The following NUDCD1 variants were observed in gnomAD, a reference collection of about 807,000 sequenced individuals.
NUDCD1 encodes the protein nudC domain-containing protein 1.
In NUDCD1, 60 loss-of-function variants were observed where a neutral mutation model predicts 67.8. The ratio of observed to expected loss-of-function variants is 0.88; its 90% CI spans 0.72 to 1.10. The LOEUF (loss-of-function observed/expected upper bound fraction) is 1.10. Ranked by LOEUF, NUDCD1 falls within the 50% of genes least tolerant of loss-of-function variation. The pLI, the probability that NUDCD1 is intolerant of heterozygous loss-of-function variation, is 0.00. For missense variants in NUDCD1, 643 were observed against 695.0 expected (o/e 0.93, Z 0.84); for synonymous variants, 244 against 230.8 (o/e 1.06, Z -0.52).
chr8:109,275,658 G>GA (rs1814269027), intron 6 of NUDCD1, among the ~76,000 whole-genome samples, 162 bp from the exon 7 acceptor site: 1 of 152,138 alleles, frequency 6.6e-6, no homozygotes, highest in Non-Finnish European at 1.5e-5. Context: ...GCATGTGATG[G>GA]AAAACCTATA....
intron 2 of NUDCD1, among the ~76,000 whole-genome samples, chr8:109,321,894 G>A (rs1815549296): frequency 6.6e-6 from 1 of 152,076 alleles, no homozygotes; most frequent in Non-Finnish European, 1.5e-5. Context: ...ATTTTAAAAT[G>A]CTAAAAGAAT....
chr8:109,307,830 A>G (rs1815148236), intron 2 of NUDCD1, among the ~76,000 whole-genome samples: 1 of 152,216 alleles, frequency 6.6e-6, no homozygotes, highest in Admixed American at 6.5e-5. Flanking sequence ...CTATTCTTAT[A>G]TCAGATAAAA....
chr8:109,306,273 T>C (rs1454988997), intron 2 of NUDCD1, among the ~76,000 whole-genome samples: 1 of 152,160 alleles, frequency 6.6e-6, no homozygotes, highest in African/African-American at 2.4e-5. Context: ...CTCCAATACT[T>C]TCACCCTGAT....
intron 8 of NUDCD1, among the ~76,000 whole-genome samples, chr8:109,258,355 A>G (rs1813785939): frequency 6.6e-6 from 1 of 152,066 alleles, no homozygotes; most frequent in Non-Finnish European, 1.5e-5. Flanking sequence ...TTTATTATTT[A>G]TATTACTGTC....
intron 2 of NUDCD1, among the ~76,000 whole-genome samples, chr8:109,321,263 T>C (rs559473215): frequency 9.8e-4 from 149 of 152,306 alleles, no homozygotes; most frequent in Non-Finnish European, 1.8e-3. Context: ...CAATGTATTG[T>C]GGAGTTTCCA....
chr8:109,304,031 T>C (rs910038958), intron 2 of NUDCD1, among the ~76,000 whole-genome samples: 1 of 152,124 alleles, frequency 6.6e-6, no homozygotes, highest in East Asian at 1.9e-4. Flanking sequence ...TATTCTGTTC[T>C]AGATAAACCT....
rs1253170811 is a variant in NUDCD1 at position 109,293,358 on chromosome 8, C to T, written c.626G>A (p.Ser209Asn). The change falls in exon 4 of 10, where the codon AGT becomes AAT. Residue 209 changes from serine to asparagine, a missense_variant. Ser to Asn is a conservative substitution (Grantham distance 46). Coordinates refer to ENST00000239690, the MANE Select transcript of NUDCD1 (RefSeq NM_032869.4). ...FYVSLEWVTI[S>N]KKNQDNKKYE... ...TTTTGTTTTACCTTGATTTTTCTTA[C>T]TGATAGTGACCCACTCCAGAGAAAC... is the stretch of plus-strand genomic sequence containing the variant. The T allele has an allele frequency of 1.3e-6, 2 of 1,549,708 alleles. No homozygotes were observed. The highest frequency in any genetic ancestry group is 1.7e-6 in the Non-Finnish European group (2 of 1,151,020).
At chr8:109,320,791 A>G (rs1217472846) in intron 2 of NUDCD1, among the ~76,000 whole-genome samples, 1 of 152,218 alleles carries the variant, frequency 6.6e-6, no homozygotes, top group African/African-American at 2.4e-5. Context: ...TGTCCATGAA[A>G]TCTTCACAAT....
At chr8:109,250,700 T>G (rs370122873) in intron 8 of NUDCD1, among the ~76,000 whole-genome samples, 1 of 152,214 alleles carries the variant, frequency 6.6e-6, no homozygotes. Context: ...TTTTTCATAT[T>G]CTTTTTCTGC....
intron 2 of NUDCD1, among the ~76,000 whole-genome samples, chr8:109,308,669 TAAAA>T (rs1046037441): frequency 6.7e-5 from 10 of 150,228 alleles, no homozygotes; most frequent in African/African-American, 2.4e-4. Flanking sequence ...AAATTACCAA[TAAAA>T]AAAAAGTCCA....
chr8:109,307,718 C>T (rs1815143380), intron 2 of NUDCD1, among the ~76,000 whole-genome samples: 1 of 152,114 alleles, frequency 6.6e-6, no homozygotes, highest in African/African-American at 2.4e-5. Flanking sequence ...AATTCATCAA[C>T]CCATTTGCTG....
At chr8:109,329,981 A>C (rs2130157248) in intron 1 of NUDCD1, 1 of 1,238,514 alleles carries the variant, frequency 8.1e-7, no homozygotes, top group South Asian at 2.7e-5. Flanking sequence ...GTAGATTCTG[A>C]CTAGTCAAGA....
At chr8:109,293,268 T>C in intron 4 of NUDCD1, 76 bp downstream of exon 4, 12 of 761,970 alleles carry the variant, frequency 1.6e-5, no homozygotes, top group Non-Finnish European at 2.5e-5. Context: ...AAACAGTATT[T>C]ACAGGGACAG....
chr8:109,273,674 G>A (rs1814211945), intron 7 of NUDCD1, among the ~76,000 whole-genome samples: 1 of 152,022 alleles, frequency 6.6e-6, no homozygotes, highest in Non-Finnish European at 1.5e-5. Context: ...AGGCACCATA[G>A]TTAAGTGCCT....
At chr8:109,296,659 CT>C in intron 2 of NUDCD1, 90 bp from the exon 3 acceptor site, 1 of 908,550 alleles carries the variant, frequency 1.1e-6, no homozygotes, top group Non-Finnish European at 1.7e-6. Context: ...GGTTTCTCTC[CT>C]TTTTAAGAGT....
chr8:109,241,600 AC>A lies in NUDCD1; in HGVS notation c.*1408del, dbSNP rs1410343246. ...CCAATTGTCAATACCAGTCCTCAGG[AC>A]CTTTCCTAACTTTCTACCTAGCACC... is the stretch of plus-strand genomic sequence containing the variant. On this transcript the variant is annotated 3_prime_UTR_variant, in exon 10 of 10. Coordinates refer to ENST00000239690, the MANE Select transcript of NUDCD1 (RefSeq NM_032869.4). 1 of 152,240 alleles carries A rather than the reference AC, an allele frequency of 6.6e-6. No homozygotes were observed. Among genetic ancestry groups the A allele is most frequent in the Non-Finnish European group, 1.5e-5 (1 of 68,142 alleles). The allele number at this position is 152,240 out of a possible 1,614,324, so 9.4% of individuals were successfully genotyped here.
intron 8 of NUDCD1, among the ~76,000 whole-genome samples, chr8:109,252,356 C>A (rs1813640777): frequency 6.6e-6 from 1 of 152,092 alleles, no homozygotes; most frequent in Admixed American, 6.6e-5. Context: ...TGAGGTTTTT[C>A]TTTATCTTTT....
rs879074007 is a variant in NUDCD1, at chr8:109,242,685, ATATTTT to A, written c.*318_*323del. 4.2e-4 allele frequency: 78 copies of A among 185,620 alleles called. No homozygotes were observed. In the East Asian group the frequency reaches 9.7e-3, roughly 23 times the overall value. 11.5% of individuals were successfully genotyped at this position (185,620 alleles called of 1,614,324 possible). A position where few individuals can be genotyped will look rare whatever the true frequency, so the allele number is the denominator to read the frequency against. On this transcript the variant is annotated 3_prime_UTR_variant, in exon 10 of 10. Transcript: ENST00000239690. ...AATCAACGAACAGAGTACACAATAA[ATATTTT>A]TATTTTTAAACACTGAATTGTACAT...
intron 8 of NUDCD1, among the ~76,000 whole-genome samples, chr8:109,260,242 G>GC (rs1191683263): frequency 1.3e-5 from 2 of 152,210 alleles, no homozygotes; most frequent in African/African-American, 4.8e-5. Context: ...GGTTGCCTAG[G>GC]CTGGAGTGTA....
Sources: allele counts gnomAD v4.1 joint callset (sites outside exome capture counted in the v4.1 genomes callset), GRCh38; gene constraint gnomAD v4.1.1; transcripts MANE v1.5; gene names NCBI Gene and HGNC (gene_info 2026-07-23, HGNC 2026-07-21).